Variants in HCFC1R1 observed in about 807,000 individuals in gnomAD.
HCFC1R1 encodes HCF-1 beta-propeller-interacting protein.
Under a neutral mutation model 13.3 loss-of-function variants are expected in HCFC1R1, and 17 were observed. The observed-to-expected ratio is 1.28, with a 90% CI of 0.87 to 1.91. HCFC1R1 has a LOEUF of 1.91. Ranked by LOEUF, HCFC1R1 falls within the 40% of genes most tolerant of loss-of-function variation. The pLI is 0.00. For missense variants in HCFC1R1, 218 were observed against 177.9 expected, an observed-to-expected ratio of 1.23 and a Z score of -1.28; for synonymous variants, 87 against 71.1, an observed-to-expected ratio of 1.22 and a Z score of -1.12.
intron 1 of HCFC1R1, 30 bp from the exon 2 acceptor site, chr16:3,023,560 CA>C: frequency 1.9e-6 from 3 of 1,548,760 alleles, no homozygotes; most frequent in Non-Finnish European, 2.6e-6. Context: ...TGGTGCACCC[CA>C]CCCTCTTGGC....
chr16:3,024,033 G>T (rs1567412288), upstream of HCFC1R1: 3 of 1,051,142 alleles, frequency 2.9e-6, no homozygotes, highest in Non-Finnish European at 4.1e-6. Flanking sequence ...CTTTAGGCGG[G>T]CACAGCCGCG....
At chr16:3,023,983 A>T (rs1032873739), upstream of HCFC1R1, 3 of 1,435,010 alleles carry the variant, frequency 2.1e-6, no homozygotes, top group African/African-American at 4.3e-5. Flanking sequence ...GCGACAGGGG[A>T]GGAGTCTCTG....
In HCFC1R1 at chr16:3,023,591, C is replaced by A. The variant is rs1435150845; in HGVS notation, c.96-61G>T. Reference sequence around the variant, plus strand: ...CTTGGCCCCTTCCCAAGGATCTGCCCGCCTAAGCCTGCAGCATCAGCCAGG... The same window carrying A: ...CTTGGCCCCTTCCCAAGGATCTGCCAGCCTAAGCCTGCAGCATCAGCCAGG... On this transcript the variant is annotated intron_variant, in intron 1 of 3. Transcript: ENST00000248089. 5 of 1,489,434 alleles carry A rather than the reference C, an allele frequency of 3.4e-6. No individual in the cohort carries two copies. In the African/African-American group the frequency reaches 4.2e-5, roughly 13 times the overall value. 92.3% of individuals were successfully genotyped at this position (1,489,434 alleles called of 1,614,324 possible). A position where few individuals can be genotyped will look rare whatever the true frequency, so the allele number is the denominator to read the frequency against.
chr16:3,023,586 C>T, intron 1 of HCFC1R1, 56 bp from the exon 2 acceptor site: 1 of 1,502,478 alleles, frequency 6.7e-7, no homozygotes, highest in East Asian at 2.3e-5. Flanking sequence ...TCCCAAGGAT[C>T]TGCCCGCCTA....
At position 3,022,697 on chromosome 16, in the gene HCFC1R1, C is replaced by G. The variant is rs1433910447; in HGVS notation, c.*166G>C. The G allele has an allele frequency of 5.8e-6, 3 of 514,446 alleles. No homozygotes were observed. In the African/African-American group the frequency reaches 6.1e-5, roughly 10 times the overall value. 31.9% of individuals were successfully genotyped at this position (514,446 alleles called of 1,614,324 possible). On this transcript the variant is annotated 3_prime_UTR_variant, in exon 4 of 4. Transcript: ENST00000248089. ...CCTCCCTTCCCATGCTCCCACCCCTCCCATCCCAGAACTCCGTTGGGCTCA... is the reference window on the plus strand; with the variant it reads ...CCTCCCTTCCCATGCTCCCACCCCTGCCATCCCAGAACTCCGTTGGGCTCA...
At position 3,023,233 on chromosome 16, in the gene HCFC1R1, C is replaced by G; in HGVS notation, c.281G>C (p.Arg94Thr). 6.5e-7 allele frequency: 1 copy of G among 1,547,912 alleles called. No homozygotes were observed. Among genetic ancestry groups the G allele is most frequent in the South Asian group, 1.2e-5 (1 of 80,916 alleles). The change falls in exon 3 of 4, where the codon AGG becomes ACG. Residue 94 changes from arginine (R) to threonine (T), a missense_variant and splice_region_variant. Coordinates refer to ENST00000248089, the MANE Select transcript of HCFC1R1 (RefSeq NM_017885.4). Reference sequence around the variant, plus strand: ...AGGCCTGGCCAGTGGAGGAACCTACCTGAGTGGGGGCAGGGCTGGGGAGAA... The same window carrying G: ...AGGCCTGGCCAGTGGAGGAACCTACGTGAGTGGGGGCAGGGCTGGGGAGAA... The part of the protein sequence containing the change: ...MTFSPALPPL[R>T]SPCSELLLWR...
chr16:3,023,664 T>C, intron 1 of HCFC1R1, 134 bp from the exon 2 acceptor site: 1 of 1,168,086 alleles, frequency 8.6e-7, no homozygotes, highest in Non-Finnish European at 1.2e-6. Context: ...CCCGCTCTCC[T>C]GGACCATCCA....
Position 3,023,834 on chromosome 16 carries a change from C to G in HCFC1R1, c.95+13G>C. On this transcript the variant is annotated intron_variant, in intron 1 of 3. Transcript: ENST00000248089. The stretch of plus-strand genomic sequence containing the variant: ...GGCCCTTGGTCAGGCCCACCCTGGT[C>G]CCCTACACGCACCTGGCGTCCAGGC... 2 of 1,533,578 alleles carry G rather than the reference C, an allele frequency of 1.3e-6. No individual in the cohort carries two copies. Among genetic ancestry groups the G allele is most frequent in the Non-Finnish European group, 1.7e-6 (2 of 1,143,258 alleles). 95.0% of individuals were successfully genotyped at this position (1,533,578 alleles called of 1,614,324 possible). A position where few individuals can be genotyped will look rare whatever the true frequency, so the allele number is the denominator to read the frequency against.
At chr16:3,024,159 C>G (rs1275655467), upstream of HCFC1R1, 6 of 796,552 alleles carry the variant, frequency 7.5e-6, no homozygotes, top group South Asian at 4.9e-5. Flanking sequence ...TTCTTAATGT[C>G]GGGGGTCTTC....
chr16:3,024,119 C>G, upstream of HCFC1R1: 1 of 714,376 alleles, frequency 1.4e-6, no homozygotes, highest in Non-Finnish European at 2.3e-6. Context: ...GGGAGGGTAT[C>G]CGGCTTAAGG....
In HCFC1R1 at chr16:3,022,786, T is replaced by G; in HGVS notation, c.*77A>C. The G allele has an allele frequency of 1.5e-6, 2 of 1,308,182 alleles. No homozygotes were observed. Among genetic ancestry groups the G allele is most frequent in the Non-Finnish European group, 2.0e-6 (2 of 997,194 alleles). 81.0% of individuals were successfully genotyped at this position (1,308,182 alleles called of 1,614,324 possible). A position where few individuals can be genotyped will look rare whatever the true frequency, so the allele number is the denominator to read the frequency against. Reference sequence around the variant, plus strand: ...CTACTCTGCAGGAGAGGGAGGAACCTTGTCCCTTTGCGGGAGTCGCTGGTC... The same window carrying G: ...CTACTCTGCAGGAGAGGGAGGAACCGTGTCCCTTTGCGGGAGTCGCTGGTC... On this transcript the variant is annotated 3_prime_UTR_variant, in exon 4 of 4. Coordinates refer to ENST00000248089, the MANE Select transcript of HCFC1R1 (RefSeq NM_017885.4).
At chr16:3,023,674 A>G (rs2072687111) in intron 1 of HCFC1R1, 144 bp from the exon 2 acceptor site, 4 of 1,125,420 alleles carry the variant, frequency 3.6e-6, no homozygotes, top group Admixed American at 5.0e-5. Context: ...TGGACCATCC[A>G]GCAGGGTACC....
At position 3,023,279 on chromosome 16, in the gene HCFC1R1, A is replaced by G; in HGVS notation, c.235T>C (p.Tyr79His). The change falls in exon 3 of 4, where the codon TAC (tyrosine) becomes CAC (histidine). Residue 79 changes from tyrosine to histidine, a missense_variant. Tyr to His is a moderately conservative substitution (Grantham distance 83, BLOSUM62 2). Coordinates refer to ENST00000248089, the MANE Select transcript of HCFC1R1 (RefSeq NM_017885.4). ...GAGAAGGTCATGGGGGGGCTGCAGTAGGGGTGGTCATTGTGCAGGCTGAGT... is the reference window on the plus strand; with the variant it reads ...GAGAAGGTCATGGGGGGGCTGCAGTGGGGGTGGTCATTGTGCAGGCTGAGT... ...SQLSLHNDHPYCSPPMTFSPA... is the reference protein window; with the variant it reads ...SQLSLHNDHPHCSPPMTFSPA... The G allele has an allele frequency of 1.9e-6, 3 of 1,583,508 alleles. No individual in the cohort carries two copies. Among genetic ancestry groups the G allele is most frequent in the Non-Finnish European group, 2.6e-6 (3 of 1,162,136 alleles).
chr16:3,023,631 T>A, intron 1 of HCFC1R1, 101 bp from the exon 2 acceptor site: 1 of 1,362,202 alleles, frequency 7.3e-7, no homozygotes, highest in Non-Finnish European at 9.8e-7. Flanking sequence ...CCAAGCCCAT[T>A]CCTGTCTCAG....
intron 3 of HCFC1R1, 111 bp downstream of exon 3, chr16:3,023,122 A>G: frequency 6.6e-7 from 1 of 1,511,764 alleles, no homozygotes; most frequent in Non-Finnish European, 8.9e-7. Context: ...AAGATGGGAA[A>G]CAACCCAGAG....
chr16:3,022,647 T>C lies in HCFC1R1; in HGVS notation c.*216A>G, dbSNP rs2072634844. ...GCCTTCCTTTGCTCAGCAATCTTTA[T>C]TCAGTTCTTCTTGGGGGTGGGATGC... On this transcript the variant is annotated 3_prime_UTR_variant, in exon 4 of 4. Transcript: ENST00000248089. The C allele has an allele frequency of 4.7e-6, 2 of 427,496 alleles. No individual in the cohort carries two copies. Among genetic ancestry groups the C allele is most frequent in the South Asian group, 5.0e-5 (1 of 19,828 alleles). The allele number at this position is 427,496 out of a possible 1,614,324, so 26.5% of individuals were successfully genotyped here. A position where few individuals can be genotyped will look rare whatever the true frequency, so the allele number is the denominator to read the frequency against.
At position 3,022,928 on chromosome 16, in the gene HCFC1R1, T is replaced by C. The variant is rs761311931; in HGVS notation, c.352A>G (p.Arg118Gly). The C allele has an allele frequency of 6.4e-7, 1 of 1,572,552 alleles. No homozygotes were observed. Among genetic ancestry groups the C allele is most frequent in the Non-Finnish European group, 8.6e-7 (1 of 1,167,950 alleles). ...GGGGGACTGGGGGTGTCCCCCAGCC[T>C]CAGCAGACGGAGGGCCTCAGGGATG... ...SLIPEALRLLRLGDTPSPPYP... is the reference protein window; with the variant it reads ...SLIPEALRLLGLGDTPSPPYP... Residue 118 changes from arginine (R) to glycine (G), a missense_variant, in exon 4 of 4, where the codon AGG (arginine) becomes GGG (glycine). Physicochemically the swap from Arg to Gly is moderately radical, Grantham distance 125. Coordinates refer to ENST00000248089, the MANE Select transcript of HCFC1R1 (RefSeq NM_017885.4).
In HCFC1R1 at chr16:3,023,345, G is replaced by C; in HGVS notation, c.169C>G (p.Gln57Glu). The change falls in exon 3 of 4, where the codon CAG (glutamine) becomes GAG (glutamate). Residue 57 changes from glutamine (Q) to glutamate (E), a missense_variant. Coordinates refer to ENST00000248089, the MANE Select transcript of HCFC1R1 (RefSeq NM_017885.4). Reference sequence around the variant, plus strand: ...GCCATGTTCTCCTCAGACAGAAACTGCTTGCGCAGAGGCTCCCTGGGGAGA... The same window carrying C: ...GCCATGTTCTCCTCAGACAGAAACTCCTTGCGCAGAGGCTCCCTGGGGAGA... ...LEEEQEPLRKQFLSEENMATH... is the reference protein window; with the variant it reads ...LEEEQEPLRKEFLSEENMATH... 10 of 1,607,824 alleles carry C rather than the reference G, an allele frequency of 6.2e-6. No individual in the cohort carries two copies. The highest frequency in any genetic ancestry group is 8.5e-6 in the Non-Finnish European group (10 of 1,175,838).
At chr16:3,023,412 C>G in intron 2 of HCFC1R1, 51 bp from the exon 3 acceptor site, 1 of 1,613,756 alleles carries the variant, frequency 6.2e-7, no homozygotes, top group Non-Finnish European at 8.5e-7. Context: ...CAGGAGGCAG[C>G]CTGTTGGGGA....
Sources: allele counts gnomAD v4.1 joint callset, GRCh38; gene constraint gnomAD v4.1.1; transcripts MANE v1.5; gene names NCBI Gene and HGNC (gene_info 2026-07-23, HGNC 2026-07-21).